PTPRH: variants seen among roughly 807,000 people sequenced by gnomAD.
The protein encoded by PTPRH is protein tyrosine phosphatase receptor type H, also known as receptor-type tyrosine-protein phosphatase H.
In PTPRH, 113 loss-of-function variants were observed where a neutral mutation model predicts 130.2. That is an observed-to-expected ratio of 0.87 (90% CI 0.75 to 1.01). The LOEUF is 1.01. Among genes scored for constraint, PTPRH ranks in the 50% least tolerant of loss-of-function variants. The pLI is 0.00. For missense variants in PTPRH, 1,430 were observed against 1,425.0 expected (o/e 1.00, Z -0.06); for synonymous variants, 556 against 577.9 (o/e 0.96, Z 0.54).
intron 10 of PTPRH, among the ~76,000 whole-genome samples, chr19:55,195,624 G>C (rs1350814468): frequency 6.6e-6 from 1 of 152,194 alleles, no homozygotes; most frequent in African/African-American, 2.4e-5. Flanking sequence ...CCAGGCTGGA[G>C]TGCAGTGGCC....
rs61734210 is a variant in PTPRH, at chr19:55,203,917, T to C, written c.751A>G (p.Arg251Gly). ...YCVQCTGDGG[R>G]TETRNTTDTR... ...TCTGTTGTGTTTCGAGTCTCTGTTC[T>C]GCCACCATCTCCAGTGCACTGAACG... is the stretch of plus-strand genomic sequence containing the variant. The change falls in exon 5 of 20, where the codon AGA becomes GGA. Residue 251 changes from arginine to glycine, a missense_variant. By Grantham distance (125) the Arg-to-Gly change is moderately radical. Coordinates refer to ENST00000376350, the MANE Select transcript of PTPRH (RefSeq NM_002842.5). 7.0e-4 allele frequency: 1,129 copies of C among 1,614,194 alleles called. 5 individuals are homozygous for C. In the African/African-American group the frequency reaches 0.014, roughly 19 times the overall value.
At chr19:55,202,867 C>T (rs540781657) in intron 5 of PTPRH, among the ~76,000 whole-genome samples, 4 of 151,924 alleles carry the variant, frequency 2.6e-5, no homozygotes, top group Admixed American at 6.6e-5. Flanking sequence ...GGCGAAACCC[C>T]GTCTCTACTA....
At position 55,182,031 on chromosome 19, in the gene PTPRH, C is replaced by A. The variant is rs745447592; in HGVS notation, c.3183G>T (p.Leu1061Phe). The A allele has an allele frequency of 1.6e-5, 26 of 1,614,024 alleles. No individual in the cohort carries two copies. Among genetic ancestry groups the A allele is most frequent in the Non-Finnish European group, 2.2e-5 (26 of 1,180,006 alleles). The change falls in exon 19 of 20, where the codon TTG becomes TTT. Residue 1061 changes from leucine (L) to phenylalanine (F), a missense_variant. Coordinates refer to ENST00000376350, the MANE Select transcript of PTPRH (RefSeq NM_002842.5). ...ACTGCCTCACCTCAGTCTGCACCATCAACGGCCGACTCTCTCTCATCTTCC... is the reference window on the plus strand; with the variant it reads ...ACTGCCTCACCTCAGTCTGCACCATAAACGGCCGACTCTCTCTCATCTTCC... Reference protein sequence around the residue: ...FVRKMRESRPLMVQTEAQYVF... With the variant: ...FVRKMRESRPFMVQTEAQYVF...
chr19:55,197,857 C>T (rs8112639), intron 8 of PTPRH, among the ~76,000 whole-genome samples: 17,063 of 152,106 alleles, frequency 0.11, 1,064 homozygotes, highest in East Asian at 0.15. Flanking sequence ...CTAGACACAC[C>T]ACGTTTGTAG....
Position 55,185,947 on chromosome 19 carries a change from G to C in PTPRH, c.2816C>G (p.Pro939Arg). The C allele has an allele frequency of 6.2e-7, 1 of 1,614,078 alleles. No homozygotes were observed. Among genetic ancestry groups the C allele is most frequent in the South Asian group, 1.1e-5 (1 of 91,086 alleles). Residue 939 changes from proline to arginine, a missense_variant, in exon 17 of 20, where the codon CCC becomes CGC. Transcript: ENST00000376350. ...CEHYWPLDSQ[P>R]CTHGHLRVTL... ...TACCCGCAGGTGCCCATGGGTGCAG[G>C]GCTGCGAGTCCAGAGGCCAGTAATG...
At position 55,187,556 on chromosome 19, in the gene PTPRH, A is replaced by T. The variant is rs1332468465; in HGVS notation, c.2523T>A (p.Ala841=). 3.1e-6 allele frequency: 5 copies of T among 1,613,206 alleles called. No homozygotes were observed. Among genetic ancestry groups the T allele is most frequent in the Middle Eastern group, 1.6e-4 (1 of 6,062 alleles). ...AGCGGTTCTTGGCGTTGTTCTCTGAAGCCGAAGCCACCATCTGAGACTGGC... is the reference window on the plus strand; with the variant it reads ...AGCGGTTCTTGGCGTTGTTCTCTGATGCCGAAGCCACCATCTGAGACTGGC... ...GHSQSQMVAS[A]SENNAKNRYR... is the part of the protein sequence containing the mutation. The change falls in exon 14 of 20, where the codon GCT becomes GCA. Residue 841 remains alanine (A), a synonymous_variant. Coordinates refer to ENST00000376350, the MANE Select transcript of PTPRH (RefSeq NM_002842.5).
intron 6 of PTPRH, among the ~76,000 whole-genome samples, chr19:55,201,760 T>C (rs1193479874): frequency 1.3e-5 from 2 of 152,170 alleles, no homozygotes; most frequent in Non-Finnish European, 2.9e-5. Flanking sequence ...CCTTGAAAGC[T>C]CAGGTAACAT....
chr19:55,202,109 C>T lies in PTPRH; in HGVS notation c.1100G>A (p.Trp367Ter), dbSNP rs1296742663. Residue 367 changes from tryptophan (W) to a stop codon, truncating the protein, a stop_gained, in exon 6 of 20, where the codon TGG becomes TAG. Transcript: ENST00000376350. LOFTEE classifies it high-confidence loss of function. ...EPGCLYVFSV[W>*]VGKNGINSSR... is the part of the protein sequence containing the mutation. The stretch of plus-strand genomic sequence containing the variant: ...GCTGTTGATTCCATTCTTCCCCACC[C>T]ACACGGAAAACACATACAAACACCC... 1.2e-6 allele frequency: 2 copies of T among 1,614,198 alleles called. No individual in the cohort carries two copies. The highest frequency in any genetic ancestry group is 1.7e-6 in the Non-Finnish European group (2 of 1,180,032).
intron 12 of PTPRH, among the ~76,000 whole-genome samples, chr19:55,190,757 G>A (rs147735941): frequency 0.097 from 14,614 of 150,230 alleles, 767 homozygotes; most frequent in Middle Eastern, 0.18. Flanking sequence ...AGCCACCTGC[G>A]TAGCTGGGAT....
chr19:55,196,844 TC>T, intron 9 of PTPRH, 56 bp from the exon 10 acceptor site: 1 of 1,569,988 alleles, frequency 6.4e-7, no homozygotes. Flanking sequence ...TTCCACCCCC[TC>T]CACCCCTACC....
At chr19:55,193,635 G>A (rs368658496) in intron 10 of PTPRH, among the ~76,000 whole-genome samples, 2 of 152,076 alleles carry the variant, frequency 1.3e-5, no homozygotes, top group South Asian at 2.1e-4. Context: ...CCTACAATGC[G>A]CAGGACGGCC....
chr19:55,202,169 G>A lies in PTPRH; in HGVS notation c.1040C>T (p.Ala347Val), dbSNP rs1241937347. Residue 347 changes from alanine (A) to valine (V), a missense_variant, in exon 6 of 20, where the codon GCA (alanine) becomes GTA (valine). Transcript: ENST00000376350. ...TCTATCCACGGTGATGTTGGTGTGT[G>A]CTGTGCTTCGAGTCCCTGCTCTGCC... is the stretch of plus-strand genomic sequence containing the variant. ...DGGRAGTRST[A>V]HTNITVDRLE... 3.1e-6 allele frequency: 5 copies of A among 1,614,078 alleles called. No homozygotes were observed. The highest frequency in any genetic ancestry group is 4.2e-6 in the Non-Finnish European group (5 of 1,180,056).
rs937853664 is a variant in PTPRH, at chr19:55,196,924, T to C, written c.1991-136A>G. 5 of 1,263,390 alleles carry C rather than the reference T, an allele frequency of 4.0e-6. No individual in the cohort carries two copies. The African/African-American group carries it at 7.5e-5, about 19-fold the overall frequency. The allele number at this position is 1,263,390 out of a possible 1,614,324, so 78.3% of individuals were successfully genotyped here. On this transcript the variant is annotated intron_variant, in intron 9 of 19. Coordinates refer to ENST00000376350, the MANE Select transcript of PTPRH (RefSeq NM_002842.5). Reference sequence around the variant, plus strand: ...AACTACCTCATCTTCCCTCCTTTTCTGTCCTCCCCGAATGGACACAAATAA... The same window carrying C: ...AACTACCTCATCTTCCCTCCTTTTCCGTCCTCCCCGAATGGACACAAATAA...
At chr19:55,187,060 G>C (rs1349479894) in intron 14 of PTPRH, among the ~76,000 whole-genome samples, 1 of 146,036 alleles carries the variant, frequency 6.8e-6, no homozygotes, top group Admixed American at 6.9e-5. Context: ...AAAAAAAGGT[G>C]GGGGGCCGGG....
intron 10 of PTPRH, among the ~76,000 whole-genome samples, chr19:55,194,985 C>T (rs2040956510): frequency 1.3e-5 from 2 of 152,012 alleles, no homozygotes; most frequent in African/African-American, 4.8e-5. Flanking sequence ...GTCAGGAGTT[C>T]GAGACCAGTC....
At chr19:55,200,184 G>A in intron 7 of PTPRH, 52 bp downstream of exon 7, 5 of 1,597,354 alleles carry the variant, frequency 3.1e-6, no homozygotes, top group Non-Finnish European at 4.3e-6. Context: ...CGCCGCTCCT[G>A]CTGGTTCTTA....
At position 55,181,686 on chromosome 19, in the gene PTPRH, G is replaced by T; in HGVS notation, c.*68C>A. 1 of 1,592,622 alleles carries T rather than the reference G, an allele frequency of 6.3e-7. No individual in the cohort carries two copies. The highest frequency in any genetic ancestry group is 1.1e-5 in the South Asian group (1 of 89,538). On this transcript the variant is annotated 3_prime_UTR_variant, in exon 20 of 20. Coordinates refer to ENST00000376350, the MANE Select transcript of PTPRH (RefSeq NM_002842.5). ...GGAGCCCAGCCCTCTGCTCTTCCAG[G>T]AATCTGGGCTCAAGTGGGTGTCCAG...
At chr19:55,194,352 G>C in intron 10 of PTPRH, 2 of 1,237,360 alleles carry the variant, frequency 1.6e-6, no homozygotes, top group Non-Finnish European at 2.1e-6. Context: ...AACCTGTACG[G>C]GAGACTTGGC....
chr19:55,201,930 G>C, intron 6 of PTPRH, 126 bp downstream of exon 6: 1 of 1,424,826 alleles, frequency 7.0e-7, no homozygotes. Context: ...ACTGCCCCAG[G>C]ATGTGGACAT....
Sources: gnomAD v4.1 joint callset for allele counts (sites outside exome capture counted in the v4.1 genomes callset) on GRCh38, gnomAD v4.1.1 for gene constraint, MANE v1.5 for transcripts, NCBI Gene and HGNC (gene_info 2026-07-23, HGNC 2026-07-21) for gene names.